The following CD44 variants were observed in gnomAD, a reference collection of about 807,000 sequenced individuals.
CD44 encodes the protein CD44 molecule (IN blood group).
In CD44, 49 loss-of-function variants were observed where a neutral mutation model predicts 88.8. The ratio of observed to expected loss-of-function variants is 0.55; its 90% CI spans 0.44 to 0.70. CD44 has a LOEUF of 0.70. CD44 is among the 30% of genes least tolerant of loss of function. CD44 has a pLI of 0.00. For missense variants in CD44, 883 were observed against 913.8 expected (o/e 0.97, Z 0.43); for synonymous variants, 325 against 312.3 (o/e 1.04, Z -0.43).
chr11:35,183,535 G>A (rs1945360550), intron 3 of CD44, among the ~76,000 whole-genome samples: 1 of 152,194 alleles, frequency 6.6e-6, no homozygotes, highest in South Asian at 2.1e-4. Flanking sequence ...AGGTGGTCAT[G>A]TCCCAGTGCT....
chr11:35,212,694 T>C (rs1948503503), intron 14 of CD44: 1 of 152,198 alleles, frequency 6.6e-6, no homozygotes. Flanking sequence ...TTACACTCCT[T>C]AGTTCTTTAT....
At chr11:35,186,730 A>G (rs1317458849) in intron 3 of CD44, 102 bp from the exon 4 acceptor site, 2 of 686,942 alleles carry the variant, frequency 2.9e-6, no homozygotes, top group Non-Finnish European at 5.3e-6. Flanking sequence ...AGTTATTTGG[A>G]ATAAGTTATA....
chr11:35,142,007 G>A (rs1858079190), intron 1 of CD44, among the ~76,000 whole-genome samples: 1 of 152,174 alleles, frequency 6.6e-6, no homozygotes, highest in Admixed American at 6.5e-5. Flanking sequence ...AGCAAAAAGT[G>A]GAGAAATGGC....
Position 35,176,865 on chromosome 11 carries a change from A to G in CD44, c.233+125A>G. The stretch of plus-strand genomic sequence containing the variant: ...ATTGCCTAAGGAGTCAACCCCACGT[A>G]TTAATTTGGCCAAGTCAATCTGCAA... On this transcript the variant is annotated intron_variant, in intron 2 of 17. Coordinates refer to ENST00000428726, the MANE Select transcript of CD44 (RefSeq NM_000610.4). 9 of 904,680 alleles carry G rather than the reference A, an allele frequency of 9.9e-6. No homozygotes were observed. The South Asian group carries it at 1.4e-4, about 14-fold the overall frequency. 56.0% of individuals were successfully genotyped at this position (904,680 alleles called of 1,614,324 possible).
At chr11:35,197,534 G>C (rs746897049) in intron 6 of CD44, 3 of 152,202 alleles carry the variant, frequency 2.0e-5, no homozygotes, top group African/African-American at 7.3e-5. Flanking sequence ...TCTGTTAATT[G>C]GCTTCACATT....
chr11:35,177,757 C>G (rs1422368907), intron 2 of CD44, among the ~76,000 whole-genome samples: 1 of 152,184 alleles, frequency 6.6e-6, no homozygotes, highest in Admixed American at 6.5e-5. Flanking sequence ...AAGTCTTTTG[C>G]CTAAAATTGC....
chr11:35,189,900 A>G lies in CD44; in HGVS notation c.502A>G (p.Ile168Val), dbSNP rs778601110. The G allele has an allele frequency of 1.9e-6, 3 of 1,614,158 alleles. No homozygotes were observed. The highest frequency in any genetic ancestry group is 1.1e-5 in the South Asian group (1 of 91,078). ...AGAATACAGAACGAATCCTGAAGACATCTACCCCAGCAACCCTACTGATGA... is the reference window on the plus strand; with the variant it reads ...AGAATACAGAACGAATCCTGAAGACGTCTACCCCAGCAACCCTACTGATGA... Reference protein sequence around the residue: ...KGEYRTNPEDIYPSNPTDDDV... With the variant: ...KGEYRTNPEDVYPSNPTDDDV... Residue 168 changes from isoleucine to valine, a missense_variant, in exon 5 of 18, where the codon ATC becomes GTC. Coordinates refer to ENST00000428726, the MANE Select transcript of CD44 (RefSeq NM_000610.4).
chr11:35,161,286 A>G (rs997829450), intron 1 of CD44, among the ~76,000 whole-genome samples: 2 of 152,154 alleles, frequency 1.3e-5, no homozygotes, highest in African/African-American at 2.4e-5. Context: ...CTTTTATTTT[A>G]CTGATGAAGA....
intron 2 of CD44, 22 bp from the exon 3 acceptor site, chr11:35,180,252 T>C: frequency 6.2e-7 from 1 of 1,613,488 alleles, no homozygotes; most frequent in Non-Finnish European, 8.5e-7. Flanking sequence ...TAGGTCAATA[T>C]CCTGTTGTTT....
chr11:35,155,401 T>C (rs1476632019), intron 1 of CD44, among the ~76,000 whole-genome samples: 4 of 152,196 alleles, frequency 2.6e-5, no homozygotes, highest in Non-Finnish European at 5.9e-5. Context: ...CTATTTGGGC[T>C]AAGGAAAGAA....
At position 35,176,710 on chromosome 11, in the gene CD44, A is replaced by G; in HGVS notation, c.203A>G (p.Lys68Arg). The G allele has an allele frequency of 6.2e-7, 1 of 1,614,178 alleles. No individual in the cohort carries two copies. Among genetic ancestry groups the G allele is most frequent in the Non-Finnish European group, 8.5e-7 (1 of 1,180,004 alleles). Reference protein sequence around the residue: ...STLPTMAQMEKALSIGFETCR... With the variant: ...STLPTMAQMERALSIGFETCR... ...TTGCCCACAATGGCCCAGATGGAGA[A>G]AGCTCTGAGCATCGGATTTGAGACC... The change falls in exon 2 of 18, where the codon AAA (lysine) becomes AGA (arginine). Residue 68 changes from lysine (K) to arginine (R), a missense_variant. By Grantham distance (26) the Lys-to-Arg change is conservative. This residue lies in a region of CD44 where 252 missense variants were observed against 322.9 expected (regional missense o/e 0.78). Coordinates refer to ENST00000428726, the MANE Select transcript of CD44 (RefSeq NM_000610.4).
chr11:35,204,498 T>C lies in CD44; in HGVS notation c.1154-14T>C. ...ATAGACAATTATGTCTCCCAACTGA[T>C]ATTCTTCTCACAGTCCAGGCAACTC... is the stretch of plus-strand genomic sequence containing the variant. On this transcript the variant is annotated splice_polypyrimidine_tract_variant and intron_variant, in intron 9 of 17. Coordinates refer to ENST00000428726, the MANE Select transcript of CD44 (RefSeq NM_000610.4). 6.2e-7 allele frequency: 1 copy of C among 1,612,380 alleles called. No homozygotes were observed. The highest frequency in any genetic ancestry group is 8.5e-7 in the Non-Finnish European group (1 of 1,178,982).
At chr11:35,164,894 G>C (rs931118055) in intron 1 of CD44, among the ~76,000 whole-genome samples, 4 of 152,176 alleles carry the variant, frequency 2.6e-5, no homozygotes, top group Non-Finnish European at 5.9e-5. Flanking sequence ...TTGTATGTCC[G>C]TTGCATGGGA....
At chr11:35,198,341 G>A (rs1245301304) in intron 7 of CD44, 95 bp downstream of exon 7, 55 of 1,141,374 alleles carry the variant, frequency 4.8e-5, no homozygotes, top group Non-Finnish European at 6.4e-5. Context: ...AGTAGTTAAT[G>A]TGAAAAATGG....
intron 16 of CD44, among the ~76,000 whole-genome samples, chr11:35,219,613 C>T (rs1352020951): frequency 2.6e-5 from 4 of 152,200 alleles, no homozygotes; most frequent in African/African-American, 9.7e-5. Context: ...TAGCTGAGCT[C>T]ATACTCAGAT....
intron 9 of CD44, among the ~76,000 whole-genome samples, chr11:35,204,092 T>G (rs1385270894): frequency 6.6e-6 from 1 of 152,226 alleles, no homozygotes; most frequent in African/African-American, 2.4e-5. Flanking sequence ...TCTCCTAATG[T>G]GCTGATCTTG....
chr11:35,225,488 A>G (rs1029514416), intron 17 of CD44, among the ~76,000 whole-genome samples: 1 of 152,210 alleles, frequency 6.6e-6, no homozygotes, highest in Admixed American at 6.5e-5. Context: ...GGTAAGACAC[A>G]GATCCATGAG....
chr11:35,204,583 C>T lies in CD44; in HGVS notation c.1225C>T (p.His409Tyr), dbSNP rs756687595. Residue 409 changes from histidine (H) to tyrosine (Y), a missense_variant, in exon 10 of 18, where the codon CAT (histidine) becomes TAT (tyrosine). Transcript: ENST00000428726. ...QKEQWFGNRWHEGYRQTPKED... is the reference protein window; with the variant it reads ...QKEQWFGNRWYEGYRQTPKED... Reference sequence around the variant, plus strand: ...GGAACAGTGGTTTGGCAACAGATGGCATGAGGGATATCGCCAAACACCCAA... The same window carrying T: ...GGAACAGTGGTTTGGCAACAGATGGTATGAGGGATATCGCCAAACACCCAA... 33 of 1,612,862 alleles carry T rather than the reference C, an allele frequency of 2.0e-5. No individual in the cohort carries two copies. Among genetic ancestry groups the T allele is most frequent in the Non-Finnish European group, 2.8e-5 (33 of 1,179,108 alleles).
chr11:35,147,878 C>T (rs559648579), intron 1 of CD44, among the ~76,000 whole-genome samples: 3 of 152,160 alleles, frequency 2.0e-5, no homozygotes, highest in Admixed American at 1.3e-4. Flanking sequence ...GACCTGAGGT[C>T]GGGAGTTCGA....
Sources: allele counts gnomAD v4.1 joint callset (sites outside exome capture counted in the v4.1 genomes callset), GRCh38; gene constraint gnomAD v4.1.1; regional missense constraint gnomAD v4.1.1; transcripts MANE v1.5; gene names NCBI Gene and HGNC (gene_info 2026-07-23, HGNC 2026-07-21).